CDH12: variants seen among roughly 807,000 people sequenced by gnomAD.
The protein encoded by CDH12 is cadherin-12.
A neutral mutation model predicts 74.1 loss-of-function variants in CDH12; 41 were observed. The ratio of observed to expected loss-of-function variants is 0.55; its 90% CI spans 0.43 to 0.72. The LOEUF is 0.72. Ranked by LOEUF, CDH12 falls within the 30% of genes least tolerant of loss-of-function variation. The pLI, the probability that CDH12 is intolerant of heterozygous loss-of-function variation, is 0.00. For synonymous variants in CDH12, 399 were observed against 355.0 expected (o/e 1.12, Z -1.39); for missense variants, 945 against 977.2 (o/e 0.97, Z 0.44).
chr5:22,347,938 ATAT>A (rs1740186841), intron 3 of CDH12, among the ~76,000 whole-genome samples: 1 of 152,152 alleles, frequency 6.6e-6, no homozygotes, highest in South Asian at 2.1e-4. Flanking sequence ...GCTATTAACT[ATAT>A]TAACAAGAGG....
intron 6 of CDH12, among the ~76,000 whole-genome samples, chr5:21,897,292 G>C (rs911832199): frequency 6.6e-6 from 1 of 152,154 alleles, no homozygotes; most frequent in Non-Finnish European, 1.5e-5. Flanking sequence ...GGCTTCATAT[G>C]ACTGTGAGCA....
intron 3 of CDH12, among the ~76,000 whole-genome samples, chr5:22,356,348 C>T (rs113318945): frequency 2.9e-4 from 44 of 152,172 alleles, no homozygotes; most frequent in African/African-American, 8.9e-4. Context: ...TATTATGCAG[C>T]TTATCTGAAT....
At chr5:21,875,493 G>A (rs900321878) in intron 6 of CDH12, among the ~76,000 whole-genome samples, 14 of 34,126 alleles carry the variant, frequency 4.1e-4, no homozygotes, top group East Asian at 8.9e-4. Flanking sequence ...AAACAGAATC[G>A]TGTCTGAACT....
intron 6 of CDH12, among the ~76,000 whole-genome samples, chr5:21,908,494 G>A (rs1054195318): frequency 2.0e-5 from 3 of 152,146 alleles, no homozygotes; most frequent in Non-Finnish European, 4.4e-5. Context: ...TTCTGGGGTT[G>A]ATGTTGATAA....
intron 6 of CDH12, among the ~76,000 whole-genome samples, chr5:21,932,557 G>A (rs1754888637): frequency 6.6e-6 from 1 of 152,010 alleles, no homozygotes; most frequent in Admixed American, 6.6e-5. Context: ...TGTCTTGTCT[G>A]TTATCAAATT....
chr5:22,220,827 G>T (rs1751988536), intron 3 of CDH12, among the ~76,000 whole-genome samples: 1 of 151,824 alleles, frequency 6.6e-6, no homozygotes, highest in South Asian at 2.1e-4. Context: ...AAATAGTGCA[G>T]TACCAATGCC....
At chr5:22,162,880 C>T (rs1209785352) in intron 4 of CDH12, among the ~76,000 whole-genome samples, 1 of 144,836 alleles carries the variant, frequency 6.9e-6, no homozygotes, top group Admixed American at 7.3e-5. Flanking sequence ...GGTTCTTTCT[C>T]TTCCCTCTGA....
intron 1 of CDH12, among the ~76,000 whole-genome samples, chr5:22,667,113 T>A (rs1475495829): frequency 6.6e-6 from 1 of 152,248 alleles, no homozygotes; most frequent in Non-Finnish European, 1.5e-5. Flanking sequence ...ATGAGCACTT[T>A]CTTTGTGAAC....
intron 1 of CDH12, among the ~76,000 whole-genome samples, chr5:22,683,363 A>T (rs1179575170): frequency 1.3e-5 from 2 of 152,158 alleles, no homozygotes; most frequent in Non-Finnish European, 2.9e-5. Context: ...ATTCAGGGTT[A>T]TTTCAGTCAA....
chr5:22,326,130 T>G (rs1369807032), intron 3 of CDH12, among the ~76,000 whole-genome samples: 3 of 152,220 alleles, frequency 2.0e-5, no homozygotes, highest in African/African-American at 4.8e-5. Context: ...TCCCCCGTTC[T>G]CACCTAATGT....
At chr5:21,862,925 C>T (rs1370094705) in intron 6 of CDH12, among the ~76,000 whole-genome samples, 1 of 152,092 alleles carries the variant, frequency 6.6e-6, no homozygotes, top group African/African-American at 2.4e-5. Context: ...ATCCTGTCTG[C>T]CTTCTCCTTC....
Position 22,378,663 on chromosome 5 carries a change from T to C in CDH12, c.-333+26594A>G, listed in dbSNP as rs528555045. Among the ~76,000 whole-genome samples, 19 of 152,250 alleles carry C rather than the reference T, an allele frequency of 1.2e-4. No individual in the cohort carries two copies. The South Asian group carries it at 3.9e-3, about 32-fold the overall frequency. Reference sequence around the variant, plus strand: ...GCATGCATTTTGGTATTTAATTCTATTGAGTTGTGTCTCTTTATATGAGCC... The same window carrying C: ...GCATGCATTTTGGTATTTAATTCTACTGAGTTGTGTCTCTTTATATGAGCC... On this transcript the variant is annotated intron_variant, in intron 3 of 14. Coordinates refer to ENST00000382254, the MANE Select transcript of CDH12 (RefSeq NM_004061.5).
chr5:22,746,867 C>G (rs1745320021), intron 1 of CDH12, among the ~76,000 whole-genome samples: 1 of 152,242 alleles, frequency 6.6e-6, no homozygotes, highest in East Asian at 1.9e-4. Flanking sequence ...CTGGAAAAGA[C>G]AAAAGTATAT....
rs71609758 is a variant in CDH12, at chr5:22,257,481, TTTTATTTA to T, written c.-332-44846_-332-44839del. On this transcript the variant is annotated intron_variant, in intron 3 of 14. Transcript: ENST00000382254. ...TGAGGTTGCAATTTTTATTTTTTAT[TTTTATTTA>T]TTTATTTATTTATTTATTTATTTAT... 4.6e-4 allele frequency among the ~76,000 whole-genome samples: 67 copies of T among 145,018 alleles called. 1 individual carries two copies. Among genetic ancestry groups the T allele is most frequent in the Admixed American group, 3.3e-3 (47 of 14,262 alleles).
At chr5:22,390,258 A>G (rs939767830) in intron 3 of CDH12, among the ~76,000 whole-genome samples, 4 of 152,152 alleles carry the variant, frequency 2.6e-5, no homozygotes, top group African/African-American at 9.7e-5. Flanking sequence ...TGAACTTGCA[A>G]TAATAGACTT....
chr5:22,848,090 G>A (rs191183054), intron 1 of CDH12, among the ~76,000 whole-genome samples: 1 of 152,058 alleles, frequency 6.6e-6, no homozygotes, highest in African/African-American at 2.4e-5. Context: ...CTATTCATGT[G>A]TTCAAGTCTC....
intron 1 of CDH12, among the ~76,000 whole-genome samples, chr5:22,520,467 G>A (rs1344121606): frequency 6.6e-6 from 1 of 152,086 alleles, no homozygotes; most frequent in Admixed American, 6.6e-5. Flanking sequence ...GTAACCTAAA[G>A]AACACTTATG....
At position 22,030,177 on chromosome 5, in the gene CDH12, A is replaced by G. The variant is rs1051062179; in HGVS notation, c.231+48269T>C. 2.0e-4 allele frequency among the ~76,000 whole-genome samples: 30 copies of G among 151,956 alleles called. 1 individual carries two copies. Among genetic ancestry groups the G allele is most frequent in the Admixed American group, 6.6e-4 (10 of 15,228 alleles). On this transcript the variant is annotated intron_variant, in intron 5 of 14. Transcript: ENST00000382254. The stretch of plus-strand genomic sequence containing the variant: ...ATACCTAATGCTAAATGATGAGTTA[A>G]TGGGTGCAACACACCAGCATGGCAC...
chr5:22,698,563 C>G (rs1157340104), intron 1 of CDH12, among the ~76,000 whole-genome samples: 1 of 150,608 alleles, frequency 6.6e-6, no homozygotes, highest in Non-Finnish European at 1.5e-5. Context: ...TCATGAATGA[C>G]TGACAGGATG....
Sources: gnomAD v4.1 joint callset for allele counts (sites outside exome capture counted in the v4.1 genomes callset) on GRCh38, gnomAD v4.1.1 for gene constraint, MANE v1.5 for transcripts, NCBI Gene and HGNC (gene_info 2026-07-23, HGNC 2026-07-21) for gene names.